DACH1: variants seen among roughly 807,000 people sequenced by gnomAD.
The protein encoded by DACH1 is dachshund family transcription factor 1.
Under a neutral mutation model 54.2 loss-of-function variants are expected in DACH1, and 12 were observed. The ratio of observed to expected loss-of-function variants is 0.22; its 90% CI spans 0.14 to 0.36. The LOEUF (loss-of-function observed/expected upper bound fraction) is 0.36, where lower values mean the gene tolerates loss of function less well. DACH1 is among the 10% of genes least tolerant of loss of function. The pLI is 1.00. For missense variants in DACH1, 805 were observed against 929.8 expected, an observed-to-expected ratio of 0.87 and a Z score of 1.75; for synonymous variants, 386 against 366.2, an observed-to-expected ratio of 1.05 and a Z score of -0.62.
At chr13:71,626,313 T>C (rs1471899802) in intron 3 of DACH1, among the ~76,000 whole-genome samples, 5 of 152,000 alleles carry the variant, frequency 3.3e-5, no homozygotes, top group Non-Finnish European at 5.9e-5. Context: ...GTTTCCTTTA[T>C]TTAGATTAAA....
chr13:71,765,382 G>A (rs754635582), intron 1 of DACH1, among the ~76,000 whole-genome samples: 10 of 152,140 alleles, frequency 6.6e-5, no homozygotes, highest in Non-Finnish European at 1.5e-4. Context: ...TTTCAGTAAA[G>A]GCTCTTTTTA....
At chr13:71,769,204 T>C (rs1176135504) in intron 1 of DACH1, among the ~76,000 whole-genome samples, 2 of 151,808 alleles carry the variant, frequency 1.3e-5, no homozygotes, top group African/African-American at 4.8e-5. Context: ...TTGTCATCTA[T>C]GTACCACATA....
intron 1 of DACH1, among the ~76,000 whole-genome samples, chr13:71,807,803 A>C (rs962964186): frequency 6.6e-6 from 1 of 152,152 alleles, no homozygotes; most frequent in Non-Finnish European, 1.5e-5. Flanking sequence ...AATATCTCTC[A>C]CTTCAAAATC....
intron 7 of DACH1, among the ~76,000 whole-genome samples, chr13:71,484,507 T>A (rs1878314067): frequency 6.6e-6 from 1 of 152,166 alleles, no homozygotes; most frequent in South Asian, 2.1e-4. Flanking sequence ...TTTTAGGTCT[T>A]TCTTGTTTGC....
intron 1 of DACH1, among the ~76,000 whole-genome samples, chr13:71,723,004 G>A (rs1883298860): frequency 6.6e-6 from 1 of 152,114 alleles, no homozygotes; most frequent in South Asian, 2.1e-4. Flanking sequence ...CAAAAGAGCA[G>A]AATGTGCTGA....
chr13:71,617,880 TA>T (rs537045909), intron 3 of DACH1, among the ~76,000 whole-genome samples: 2 of 151,962 alleles, frequency 1.3e-5, no homozygotes, highest in Non-Finnish European at 2.9e-5. Flanking sequence ...GAATCATTTT[TA>T]AAAAAAATAC....
chr13:71,625,477 T>TCCC, intron 3 of DACH1, among the ~76,000 whole-genome samples: 1 of 152,028 alleles, frequency 6.6e-6, no homozygotes, highest in African/African-American at 2.4e-5. Context: ...TAAAGAAAGA[T>TCCC]AAGAGTAGGG....
intron 1 of DACH1, among the ~76,000 whole-genome samples, chr13:71,788,173 T>G (rs1031915218): frequency 4.6e-5 from 7 of 152,162 alleles, no homozygotes; most frequent in Non-Finnish European, 8.8e-5. Context: ...CAGAATCAAA[T>G]AGGCAATGTG....
At chr13:71,842,611 T>A (rs567476065) in intron 1 of DACH1, among the ~76,000 whole-genome samples, 1 of 151,564 alleles carries the variant, frequency 6.6e-6, no homozygotes, top group East Asian at 1.9e-4. Context: ...TATAAAGGAC[T>A]CTGATAGCAG....
chr13:71,748,852 TTC>T (rs1366100065), intron 1 of DACH1, among the ~76,000 whole-genome samples: 4 of 28,954 alleles, frequency 1.4e-4, no homozygotes, highest in Non-Finnish European at 5.4e-4. Flanking sequence ...TTCTCTTTCT[TTC>T]TTTCTTTCTT....
At chr13:71,596,779 G>A (rs541357419) in intron 3 of DACH1, among the ~76,000 whole-genome samples, 18 of 152,164 alleles carry the variant, frequency 1.2e-4, no homozygotes, top group African/African-American at 4.3e-4. Flanking sequence ...GTTAATGAGG[G>A]GAAAATTACA....
chr13:71,738,731 CAAAAAAAAAAAAAA>C (rs34856567), intron 1 of DACH1, among the ~76,000 whole-genome samples: 12 of 24,068 alleles, frequency 5.0e-4, no homozygotes, highest in Admixed American at 2.0e-3. Context: ...GACTCTGTCT[CAAAAAAAAAAAAAA>C]AAAAAAAAAA....
At chr13:71,716,093 A>G (rs1161642038) in intron 1 of DACH1, among the ~76,000 whole-genome samples, 3 of 151,842 alleles carry the variant, frequency 2.0e-5, no homozygotes, top group African/African-American at 7.3e-5. Context: ...CATCCATCCA[A>G]TCCCCAAAAC....
chr13:71,596,300 C>T (rs1396614661), intron 3 of DACH1, among the ~76,000 whole-genome samples: 1 of 152,180 alleles, frequency 6.6e-6, no homozygotes, highest in Admixed American at 6.5e-5. Context: ...TACTGAGTAA[C>T]CACTGCATGC....
chr13:71,612,225 A>G (rs960037712), intron 3 of DACH1, among the ~76,000 whole-genome samples: 2 of 152,112 alleles, frequency 1.3e-5, no homozygotes, highest in African/African-American at 4.8e-5. Flanking sequence ...CTATAGTAGA[A>G]TCCTTTCTCC....
chr13:71,792,637 C>T (rs748991023), intron 1 of DACH1, among the ~76,000 whole-genome samples: 41 of 152,184 alleles, frequency 2.7e-4, no homozygotes, highest in Non-Finnish European at 4.6e-4. Flanking sequence ...ATGATCAATC[C>T]GTGGTCACTG....
chr13:71,795,611 T>C (rs1431228496), intron 1 of DACH1, among the ~76,000 whole-genome samples: 1 of 152,132 alleles, frequency 6.6e-6, no homozygotes, highest in African/African-American at 2.4e-5. Flanking sequence ...TAATGTCTGA[T>C]ATAGGGCAAT....
chr13:71,786,919 G>A (rs545882626), intron 1 of DACH1, among the ~76,000 whole-genome samples: 11 of 152,086 alleles, frequency 7.2e-5, no homozygotes, highest in East Asian at 1.9e-4. Flanking sequence ...AATTTTCTCC[G>A]TCACAGAGTA....
intron 3 of DACH1, among the ~76,000 whole-genome samples, chr13:71,629,329 G>A (rs928101944): frequency 8.6e-5 from 13 of 151,912 alleles, no homozygotes; most frequent in South Asian, 2.1e-4. Flanking sequence ...CTTTTCATCC[G>A]TCTAGGAACT....
Sources: allele counts gnomAD v4.1 joint callset (sites outside exome capture counted in the v4.1 genomes callset), GRCh38; gene constraint gnomAD v4.1.1; transcripts MANE v1.5; gene names NCBI Gene and HGNC (gene_info 2026-07-23, HGNC 2026-07-21).